The following CHSY3 variants were observed in gnomAD, a reference collection of about 807,000 sequenced individuals.
CHSY3 encodes chondroitin sulfate synthase 3.
A neutral mutation model predicts 67.2 loss-of-function variants in CHSY3; 35 were observed. The ratio of observed to expected loss-of-function variants is 0.52; its 90% confidence interval spans 0.40 to 0.69. The LOEUF (loss-of-function observed/expected upper bound fraction) is 0.69, where lower values mean the gene tolerates loss of function less well. CHSY3 is among the 30% of genes least tolerant of loss of function. CHSY3 has a pLI of 0.00. For missense variants in CHSY3, 1,069 were observed against 1,138.5 expected, an observed-to-expected ratio of 0.94 and a Z score of 0.88; for synonymous variants, 474 against 434.7, an observed-to-expected ratio of 1.09 and a Z score of -1.12.
chr5:130,060,501 A>G (rs1765676689), intron 2 of CHSY3, among the ~76,000 whole-genome samples: 1 of 152,170 alleles, frequency 6.6e-6, no homozygotes, highest in Non-Finnish European at 1.5e-5. Context: ...AAGAACTGGA[A>G]CGAGACAAGG....
chr5:129,993,592 G>A (rs1423546746), intron 2 of CHSY3, among the ~76,000 whole-genome samples: 2 of 151,828 alleles, frequency 1.3e-5, no homozygotes, highest in Non-Finnish European at 2.9e-5. Context: ...TTTATTTTGA[G>A]CCTATGTGTG....
chr5:130,035,387 G>A (rs1203063932), intron 2 of CHSY3, among the ~76,000 whole-genome samples: 1 of 152,084 alleles, frequency 6.6e-6, no homozygotes, highest in Non-Finnish European at 1.5e-5. Context: ...CAAAAACATG[G>A]AGTTGCCACA....
chr5:129,978,807 T>C (rs945910258), intron 2 of CHSY3, among the ~76,000 whole-genome samples: 5 of 152,154 alleles, frequency 3.3e-5, no homozygotes, highest in African/African-American at 1.2e-4. Flanking sequence ...TGATAATTTA[T>C]TTTTCCAGAT....
At chr5:129,940,277 A>G (rs1207450277) in intron 2 of CHSY3, among the ~76,000 whole-genome samples, 2 of 152,134 alleles carry the variant, frequency 1.3e-5, no homozygotes, top group Middle Eastern at 3.2e-3. Context: ...TTTACTACCT[A>G]TATGAGTTGA....
chr5:130,104,841 T>TGAAAAAA (rs1298630871), intron 2 of CHSY3, among the ~76,000 whole-genome samples: 3 of 151,854 alleles, frequency 2.0e-5, no homozygotes, highest in African/African-American at 7.2e-5. Context: ...TCATGCAGTT[T>TGAAAAAA]ATATGACTAA....
intron 2 of CHSY3, among the ~76,000 whole-genome samples, chr5:129,927,542 C>A (rs978053577): frequency 2.6e-5 from 4 of 151,710 alleles, no homozygotes; most frequent in African/African-American, 7.3e-5. Context: ...CAGTTGATAT[C>A]GAGTGAAATT....
At chr5:129,961,903 C>G (rs1762334903) in intron 2 of CHSY3, among the ~76,000 whole-genome samples, 2 of 151,916 alleles carry the variant, frequency 1.3e-5, no homozygotes, top group South Asian at 4.1e-4. Flanking sequence ...ACAGGTGACT[C>G]TACTCCTTCC....
chr5:130,077,916 A>T (rs1214218057), intron 2 of CHSY3, among the ~76,000 whole-genome samples: 1 of 152,068 alleles, frequency 6.6e-6, no homozygotes, highest in Non-Finnish European at 1.5e-5. Context: ...TCCTAGGAAA[A>T]CTATTTCTAA....
intron 2 of CHSY3, among the ~76,000 whole-genome samples, chr5:130,015,597 G>A (rs1211485860): frequency 1.3e-5 from 2 of 152,204 alleles, no homozygotes; most frequent in African/African-American, 4.8e-5. Context: ...AGGGATGCTG[G>A]TGAGATTGTG....
In CHSY3 at chr5:130,133,063, G is replaced by A. The variant is rs150129639; in HGVS notation, c.1087-51166G>A. Among the ~76,000 whole-genome samples, 1,011 of 152,178 alleles carry A rather than the reference G, an allele frequency of 6.6e-3. 11 individuals carry two copies. The highest frequency in any genetic ancestry group is 0.022 in the African/African-American group (920 of 41,520). On this transcript the variant is annotated intron_variant, in intron 2 of 2. Coordinates refer to ENST00000305031, the MANE Select transcript of CHSY3 (RefSeq NM_175856.5). ...AGGGGCATAAGAAATGCCATGCCTC[G>A]TTGGAAATCTGTGTAATATGGGTGG... is the stretch of plus-strand genomic sequence containing the variant.
chr5:129,943,394 G>A (rs776873200), intron 2 of CHSY3, among the ~76,000 whole-genome samples: 18 of 152,298 alleles, frequency 1.2e-4, no homozygotes, highest in Non-Finnish European at 1.9e-4. Flanking sequence ...GCAAAACAGC[G>A]ATTGTCATAT....
At chr5:130,068,247 C>A (rs530644318) in intron 2 of CHSY3, among the ~76,000 whole-genome samples, 110 of 152,150 alleles carry the variant, frequency 7.2e-4, no homozygotes, top group Non-Finnish European at 1.4e-3. Context: ...ACTTGAGTTT[C>A]CCATGAAAAT....
intron 2 of CHSY3, among the ~76,000 whole-genome samples, chr5:130,091,997 C>G (rs555343808): frequency 1.3e-5 from 2 of 152,236 alleles, no homozygotes; most frequent in African/African-American, 4.8e-5. Flanking sequence ...CTCACTTGTT[C>G]TCAGTCAGAG....
At chr5:129,931,226 C>T (rs958995007) in intron 2 of CHSY3, among the ~76,000 whole-genome samples, 4 of 152,118 alleles carry the variant, frequency 2.6e-5, no homozygotes, top group African/African-American at 7.2e-5. Flanking sequence ...GTGCCATGGA[C>T]AGACTGACAT....
At chr5:130,110,130 T>C (rs531859084) in intron 2 of CHSY3, among the ~76,000 whole-genome samples, 21 of 151,986 alleles carry the variant, frequency 1.4e-4, no homozygotes, top group African/African-American at 5.1e-4. Context: ...TGAAATTTTT[T>C]CCTGGGATTT....
intron 2 of CHSY3, among the ~76,000 whole-genome samples, chr5:130,092,847 C>T (rs1197895998): frequency 6.6e-6 from 1 of 152,060 alleles, no homozygotes; most frequent in Non-Finnish European, 1.5e-5. Flanking sequence ...TGTAGGAAAA[C>T]AGGAATTAGG....
At chr5:130,085,406 G>A (rs955678518) in intron 2 of CHSY3, among the ~76,000 whole-genome samples, 1 of 151,930 alleles carries the variant, frequency 6.6e-6, no homozygotes, top group Non-Finnish European at 1.5e-5. Flanking sequence ...TTTTGAACCA[G>A]AGCATCTTCT....
At chr5:130,104,807 T>C (rs1213973888) in intron 2 of CHSY3, among the ~76,000 whole-genome samples, 1 of 151,818 alleles carries the variant, frequency 6.6e-6, no homozygotes, top group African/African-American at 2.4e-5. Flanking sequence ...AGCATTGTCT[T>C]CTTATGCTAA....
At chr5:130,080,037 T>TACACACAC (rs35994744) in intron 2 of CHSY3, among the ~76,000 whole-genome samples, 2,062 of 143,386 alleles carry the variant, frequency 0.014, 22 homozygotes, top group African/African-American at 0.032. Context: ...CACCTGAACA[T>TACACACAC]ACACACACAC....
Sources: allele counts gnomAD v4.1 joint callset (sites outside exome capture counted in the v4.1 genomes callset), GRCh38; gene constraint gnomAD v4.1.1; transcripts MANE v1.5; gene names NCBI Gene and HGNC (gene_info 2026-07-23, HGNC 2026-07-21).